Variants in HNRNPL observed in about 807,000 individuals in gnomAD.
HNRNPL encodes the protein epididymis secretory sperm binding protein.
Under a neutral mutation model 64.0 loss-of-function variants are expected in HNRNPL, and 12 were observed. The observed-to-expected ratio is 0.19, with a 90% CI of 0.12 to 0.30. The LOEUF (loss-of-function observed/expected upper bound fraction) is 0.30, where lower values mean the gene tolerates loss of function less well. Ranked by LOEUF, HNRNPL falls within the 10% of genes least tolerant of loss-of-function variation. The pLI is 1.00. For synonymous variants in HNRNPL, 385 were observed against 313.0 expected, an observed-to-expected ratio of 1.23 and a Z score of -2.43; for missense variants, 484 against 797.4, an observed-to-expected ratio of 0.61 and a Z score of 4.73.
chr19:38,840,354 G>A lies in HNRNPL; in HGVS notation c.975C>T (p.His325=). 6.4e-7 allele frequency: 1 copy of A among 1,552,792 alleles called. No individual in the cohort carries two copies. Among genetic ancestry groups the A allele is most frequent in the Admixed American group, 1.9e-5 (1 of 52,214 alleles). ...CGTAGCCCTCATCATGGTAATGGCT[G>A]TGGTACCCACCGTGGGGCCCTCCTG... ...AEYGGPHGGY[H]SHYHDEGYGP... is the part of the protein sequence containing the mutation. Residue 325 remains histidine (H), a synonymous_variant, in exon 8 of 13, where the codon CAC becomes CAT. Transcript: ENST00000221419.
At chr19:38,841,614 A>G in intron 6 of HNRNPL, 1 of 1,259,930 alleles carries the variant, frequency 7.9e-7, no homozygotes, top group South Asian at 1.2e-5. Context: ...TTCTCTTACC[A>G]TTGGACGCTT....
chr19:38,839,972 A>T, intron 8 of HNRNPL, 124 bp downstream of exon 8: 1 of 837,044 alleles, frequency 1.2e-6, no homozygotes, highest in Non-Finnish European at 2.0e-6. Flanking sequence ...GCCTGAGCTC[A>T]CTGAGTCACT....
In HNRNPL at chr19:38,840,347, A is replaced by T; in HGVS notation, c.982T>A (p.Tyr328Asn). 6.4e-7 allele frequency: 1 copy of T among 1,550,702 alleles called. No homozygotes were observed. Among genetic ancestry groups the T allele is most frequent in the Non-Finnish European group, 8.7e-7 (1 of 1,147,004 alleles). ...GGGGGCCCGTAGCCCTCATCATGGT[A>T]ATGGCTGTGGTACCCACCGTGGGGC... The part of the protein sequence containing the change: ...GGPHGGYHSH[Y>N]HDEGYGPPPP... The change falls in exon 8 of 13, where the codon TAC becomes AAC. Residue 328 changes from tyrosine to asparagine, a missense_variant. Around this residue, in one of 9 missense-constraint regions of HNRNPL, gnomAD observed 46 missense variants for 37.4 expected, o/e 1.23. Coordinates refer to ENST00000221419, the MANE Select transcript of HNRNPL (RefSeq NM_001533.3).
chr19:38,840,024 T>G, intron 8 of HNRNPL, 72 bp downstream of exon 8: 1 of 1,469,622 alleles, frequency 6.8e-7, no homozygotes, highest in East Asian at 2.3e-5. Flanking sequence ...GGCTCCCCCC[T>G]GGTTCTTTCC....
chr19:38,847,842 G>A (rs141605476), intron 1 of HNRNPL, among the ~76,000 whole-genome samples: 47 of 152,330 alleles, frequency 3.1e-4, no homozygotes, highest in African/African-American at 1.0e-3. Context: ...CAGTTTGAAT[G>A]AGGACATCCC....
intron 1 of HNRNPL, among the ~76,000 whole-genome samples, chr19:38,848,508 G>A (rs553806065): frequency 6.6e-6 from 1 of 152,240 alleles, no homozygotes; most frequent in Non-Finnish European, 1.5e-5. Flanking sequence ...TCAGGAGAAA[G>A]ATTAACTCTC....
intron 1 of HNRNPL, 34 bp downstream of exon 1, chr19:38,849,666 C>A: frequency 7.6e-7 from 1 of 1,307,278 alleles, no homozygotes; most frequent in Non-Finnish European, 9.7e-7. Context: ...CCCCCAGTTC[C>A]CGGCCTTCCC....
At position 38,849,898 on chromosome 19, in the gene HNRNPL, G is replaced by C. The variant is rs1454529432; in HGVS notation, c.69C>G (p.Asp23Glu). The C allele has an allele frequency of 2.4e-6, 3 of 1,265,538 alleles. No individual in the cohort carries two copies. The highest frequency in any genetic ancestry group is 2.2e-6 in the Non-Finnish European group (2 of 904,760). 78.4% of individuals were successfully genotyped at this position (1,265,538 alleles called of 1,614,324 possible). A position where few individuals can be genotyped will look rare whatever the true frequency, so the allele number is the denominator to read the frequency against. ...RRRLEQRQQP[D>E]EQRRRSGAMV... ...TCGCTCCCGACCGCCTCCGCTGCTC[G>C]TCCGGCTGCTGCCTCTGCTCCAGCC... Residue 23 changes from aspartate (D) to glutamate (E), a missense_variant, in exon 1 of 13, where the codon GAC becomes GAG. Physicochemically the swap from Asp to Glu is conservative, Grantham distance 45. Coordinates refer to ENST00000221419, the MANE Select transcript of HNRNPL (RefSeq NM_001533.3).
chr19:38,850,417 T>G, upstream of HNRNPL: 1 of 163,090 alleles, frequency 6.1e-6, no homozygotes, highest in Non-Finnish European at 1.3e-5. Flanking sequence ...CCTTTTTTGG[T>G]CTCTCTCCAG....
intron 9 of HNRNPL, 127 bp downstream of exon 9, chr19:38,838,767 C>G: frequency 7.2e-7 from 1 of 1,389,484 alleles, no homozygotes. Context: ...CGTCTGGGAA[C>G]ACACCTGCCA....
intron 1 of HNRNPL, 124 bp from the exon 2 acceptor site, chr19:38,847,558 G>C: frequency 2.0e-6 from 1 of 491,944 alleles, no homozygotes; most frequent in Non-Finnish European, 3.6e-6. Context: ...AGGATGCACA[G>C]GAAAGACTAG....
chr19:38,839,418 A>G (rs10403012), intron 8 of HNRNPL: 100,572 of 187,934 alleles, frequency 0.54, 29,689 homozygotes, highest in African/African-American at 0.8. Context: ...GGAGCCAGGC[A>G]GTCTGGCTCT....
intron 4 of HNRNPL, 135 bp downstream of exon 4, chr19:38,845,515 G>A: frequency 1.4e-6 from 1 of 713,124 alleles, no homozygotes; most frequent in Non-Finnish European, 2.5e-6. Context: ...CTCAGTCACT[G>A]GGCTCTGTGA....
intron 12 of HNRNPL, 177 bp downstream of exon 12, chr19:38,837,207 G>T: frequency 1.6e-6 from 1 of 607,008 alleles, no homozygotes. Flanking sequence ...AGTCAGGCTG[G>T]CTCTCCCAAG....
chr19:38,849,258 GA>G (rs1555727640), intron 1 of HNRNPL: 2 of 182,682 alleles, frequency 1.1e-5, no homozygotes, highest in Non-Finnish European at 2.3e-5. Context: ...CCATCAGACG[GA>G]ATTCCCCACT....
chr19:38,838,482 G>A lies in HNRNPL; in HGVS notation c.1472C>T (p.Ala491Val). 1 of 1,614,106 alleles carries A rather than the reference G, an allele frequency of 6.2e-7. No homozygotes were observed. Residue 491 changes from alanine (A) to valine (V), a missense_variant, in exon 10 of 13, where the codon GCA becomes GTA. Physicochemically the swap from Ala to Val is moderately conservative, Grantham distance 64. This residue lies in a region of HNRNPL where 53 missense variants were observed against 131.3 expected (regional missense o/e 0.40). Coordinates refer to ENST00000221419, the MANE Select transcript of HNRNPL (RefSeq NM_001533.3). Reference sequence around the variant, plus strand: ...GGGGTGCTGGATGCGGTTCTTGGCTGCCTGCTCTGGGGTGGAGAACCGATT... The same window carrying A: ...GGGGTGCTGGATGCGGTTCTTGGCTACCTGCTCTGGGGTGGAGAACCGATT... ...RNNRFSTPEQAAKNRIQHPSN... is the reference protein window; with the variant it reads ...RNNRFSTPEQVAKNRIQHPSN...
intron 2 of HNRNPL, 45 bp from the exon 3 acceptor site, chr19:38,846,135 A>G (rs747662906): frequency 1.4e-6 from 2 of 1,391,518 alleles, no homozygotes; most frequent in Admixed American, 1.7e-5. Context: ...GAAAATGTAG[A>G]CAGGAGGAGG....
At position 38,840,252 on chromosome 19, in the gene HNRNPL, G is replaced by A. The variant is rs769521344; in HGVS notation, c.1077C>T (p.Tyr359=). ...VGGHRRGPSR[Y]GPQYGHPPPP... is the part of the protein sequence containing the mutation. ...GTGGGGGGTGCCCATACTGGGGGCC[G>A]TAGCGACTTGGGCCCCGACGGTGAC... Residue 359 remains tyrosine (Y), a synonymous_variant, in exon 8 of 13, where the codon TAC becomes TAT. Coordinates refer to ENST00000221419, the MANE Select transcript of HNRNPL (RefSeq NM_001533.3). The A allele has an allele frequency of 3.6e-5, 57 of 1,578,734 alleles. No individual in the cohort carries two copies. The highest frequency in any genetic ancestry group is 4.6e-5 in the South Asian group (4 of 87,604).
intron 6 of HNRNPL, among the ~76,000 whole-genome samples, chr19:38,842,927 C>A (rs1293184477): frequency 6.6e-6 from 1 of 152,196 alleles, no homozygotes; most frequent in Non-Finnish European, 1.5e-5. Context: ...CTGGTACATT[C>A]ACTTGGTCAC....
Sources: allele counts gnomAD v4.1 joint callset (sites outside exome capture counted in the v4.1 genomes callset), GRCh38; gene constraint gnomAD v4.1.1; regional missense constraint gnomAD v4.1.1; transcripts MANE v1.5; gene names NCBI Gene and HGNC (gene_info 2026-07-23, HGNC 2026-07-21).